Variants in RBFOX1 observed in about 807,000 individuals in gnomAD.
RBFOX1 encodes RNA binding protein fox-1 homolog 1.
Under a neutral mutation model 57.7 loss-of-function variants are expected in RBFOX1, and 8 were observed. That is an observed-to-expected ratio of 0.14 (90% CI 0.08 to 0.25). The LOEUF is 0.25. RBFOX1 is among the 10% of genes least tolerant of loss of function. The probability of loss-of-function intolerance (pLI) is 1.00; values close to 1 mark genes in which losing one functional copy is unlikely to be tolerated. For missense variants in RBFOX1, 611 were observed against 548.5 expected, an observed-to-expected ratio of 1.11 and a Z score of -1.14; for synonymous variants, 326 against 222.4, an observed-to-expected ratio of 1.47 and a Z score of -4.15.
chr16:6,931,360 CACAT>C (rs1555640429), intron 3 of RBFOX1, among the ~76,000 whole-genome samples: 15 of 146,670 alleles, frequency 1.0e-4, no homozygotes, highest in African/African-American at 3.1e-4. Context: ...CACACACACA[CACAT>C]ACATACACAT....
chr16:5,476,100 G>C (rs142365601), intron 2 of RBFOX1, among the ~76,000 whole-genome samples: 165 of 152,102 alleles, frequency 1.1e-3, no homozygotes, highest in African/African-American at 3.8e-3. Context: ...TTATGTTATT[G>C]ACCCCAGACT....
intron 4 of RBFOX1, among the ~76,000 whole-genome samples, chr16:7,451,535 A>T (rs1488496547): frequency 6.6e-6 from 1 of 151,716 alleles, no homozygotes; most frequent in Non-Finnish European, 1.5e-5. Context: ...GGTGGAGGAG[A>T]TCTCAACCCT....
intron 3 of RBFOX1, among the ~76,000 whole-genome samples, chr16:6,800,382 C>G (rs948452631): frequency 2.6e-5 from 4 of 152,064 alleles, no homozygotes; most frequent in African/African-American, 7.2e-5. Flanking sequence ...GAAGTGGTTT[C>G]CTACTCTAGG....
chr16:7,449,267 G>C (rs547104005), intron 4 of RBFOX1, among the ~76,000 whole-genome samples: 37 of 152,210 alleles, frequency 2.4e-4, no homozygotes, highest in South Asian at 6.2e-4. Flanking sequence ...AAAGTTCTAG[G>C]TGGACATTTT....
chr16:6,354,411 C>G lies in RBFOX1; in HGVS notation c.-64+37354C>G, dbSNP rs139171970. ...CACTCATCACCTCTCCGCTTCCACT[C>G]TGAGTCTGCACCAGTCTCTTCTCCA... On this transcript the variant is annotated intron_variant, in intron 2 of 15. Transcript: ENST00000550418. Among the ~76,000 whole-genome samples, 253 of 152,290 alleles carry G rather than the reference C, an allele frequency of 1.7e-3. 2 individuals are homozygous for G. The highest frequency in any genetic ancestry group is 5.8e-3 in the African/African-American group (240 of 41,556).
chr16:5,533,764 G>T (rs982338089), intron 2 of RBFOX1, among the ~76,000 whole-genome samples: 1 of 152,196 alleles, frequency 6.6e-6, no homozygotes, highest in East Asian at 1.9e-4. Flanking sequence ...AGTCAGCAAA[G>T]TGACTGGCTC....
At chr16:7,351,655 T>C (rs2097132002) in intron 4 of RBFOX1, among the ~76,000 whole-genome samples, 1 of 152,178 alleles carries the variant, frequency 6.6e-6, no homozygotes, top group African/African-American at 2.4e-5. Flanking sequence ...AGCTCACTTG[T>C]TCTCTTTTTT....
intron 1 of RBFOX1, among the ~76,000 whole-genome samples, chr16:5,372,093 C>T (rs1016622954): frequency 6.6e-6 from 1 of 152,156 alleles, no homozygotes; most frequent in Non-Finnish European, 1.5e-5. Flanking sequence ...CCTTTGCAGC[C>T]CAGTGGGTCT....
chr16:6,737,793 A>C (rs2070816290), intron 3 of RBFOX1, among the ~76,000 whole-genome samples: 1 of 152,212 alleles, frequency 6.6e-6, no homozygotes, highest in African/African-American at 2.4e-5. Context: ...ATCTTATATC[A>C]AGATTGTTTA....
intron 3 of RBFOX1, among the ~76,000 whole-genome samples, chr16:6,979,594 G>C (rs781481995): frequency 9.2e-5 from 14 of 152,220 alleles, no homozygotes; most frequent in Non-Finnish European, 1.8e-4. Flanking sequence ...ACAGTACAGG[G>C]GTGTGACTCT....
intron 4 of RBFOX1, among the ~76,000 whole-genome samples, chr16:7,071,701 C>G (rs1332471100): frequency 6.6e-6 from 1 of 151,694 alleles, no homozygotes; most frequent in Non-Finnish European, 1.5e-5. Context: ...GAAATACTAC[C>G]TGAATTCTAG....
intron 4 of RBFOX1, among the ~76,000 whole-genome samples, chr16:7,156,765 A>G (rs934124825): frequency 6.6e-6 from 1 of 152,052 alleles, no homozygotes; most frequent in African/African-American, 2.4e-5. Flanking sequence ...TTGCTTTTCT[A>G]CTTCAAACAC....
intron 1 of RBFOX1, among the ~76,000 whole-genome samples, chr16:6,144,310 T>A (rs898102905): frequency 8.5e-5 from 13 of 152,186 alleles, no homozygotes; most frequent in African/African-American, 2.9e-4. Flanking sequence ...CTGCTTCAGT[T>A]TGTGGCAAAT....
intron 3 of RBFOX1, among the ~76,000 whole-genome samples, chr16:7,006,640 G>C (rs557446027): frequency 6.6e-6 from 1 of 152,060 alleles, no homozygotes; most frequent in Non-Finnish European, 1.5e-5. Context: ...TAGAGACAAG[G>C]TCTCCCTGTG....
At chr16:5,664,435 C>G (rs1362513487) in intron 3 of RBFOX1, among the ~76,000 whole-genome samples, 1 of 152,094 alleles carries the variant, frequency 6.6e-6, no homozygotes, top group Non-Finnish European at 1.5e-5. Context: ...GTAGAGCCAG[C>G]TACTCGGGAG....
chr16:6,584,652 A>G (rs2097581879), intron 2 of RBFOX1, among the ~76,000 whole-genome samples: 1 of 152,028 alleles, frequency 6.6e-6, no homozygotes, highest in Non-Finnish European at 1.5e-5. Context: ...TACAGGCATG[A>G]GCCACCATGC....
intron 4 of RBFOX1, among the ~76,000 whole-genome samples, chr16:7,408,334 C>T (rs954680252): frequency 7.2e-5 from 11 of 152,132 alleles, no homozygotes; most frequent in East Asian, 1.9e-4. Flanking sequence ...ACTTTTAATA[C>T]GGCGACTGTA....
intron 3 of RBFOX1, among the ~76,000 whole-genome samples, chr16:5,698,572 A>G (rs978234594): frequency 6.6e-6 from 1 of 152,210 alleles, no homozygotes; most frequent in African/African-American, 2.4e-5. Context: ...AAAATACTGT[A>G]TGACCCAGCA....
At chr16:7,058,969 G>A (rs1598376800) in intron 4 of RBFOX1, among the ~76,000 whole-genome samples, 2 of 152,136 alleles carry the variant, frequency 1.3e-5, no homozygotes, top group South Asian at 2.1e-4. Flanking sequence ...CATGGTACCC[G>A]CCTTGTGAAA....
Sources: gnomAD v4.1 joint callset for allele counts (sites outside exome capture counted in the v4.1 genomes callset) on GRCh38, gnomAD v4.1.1 for gene constraint, MANE v1.5 for transcripts, NCBI Gene and HGNC (gene_info 2026-07-23, HGNC 2026-07-21) for gene names.